DRC5: variants seen among roughly 807,000 people sequenced by gnomAD.
DRC5 encodes dynein regulatory complex subunit 5.
At chr6:44,280,108 A>C in the DRC5 span, 9 of 1,367,970 alleles carry the variant, frequency 6.6e-6, no homozygotes, top group Non-Finnish European at 9.3e-6. Context: ...AACCAGTGTG[A>C]TACTCTGCAG....
At chr6:44,288,007 G>A in the DRC5 span, 7 of 709,396 alleles carry the variant, frequency 9.9e-6, no homozygotes, top group South Asian at 4.3e-5. Context: ...AGTGCTTAAC[G>A]ATCAGTCCCT....
chr6:44,286,364 C>T, the DRC5 span: 1 of 1,614,052 alleles, frequency 6.2e-7, no homozygotes, highest in African/African-American at 1.3e-5. Flanking sequence ...TTTCCAGCTG[C>T]CGCCATGGTG....
At chr6:44,296,873 A>G in the DRC5 span, among the ~76,000 whole-genome samples, 2 of 11,634 alleles carry the variant, frequency 1.7e-4, no homozygotes, top group Non-Finnish European at 7.2e-4. Context: ...CTTTGGGGTA[A>G]GTCACTCCCA....
At chr6:44,294,728 C>T in the DRC5 span, among the ~76,000 whole-genome samples, 15,698 of 141,740 alleles carry the variant, frequency 0.11, 1,950 homozygotes, top group African/African-American at 0.31. Flanking sequence ...GCTGAGATTG[C>T]GCCACTACAC....
the DRC5 span, among the ~76,000 whole-genome samples, chr6:44,281,040 C>T: frequency 3.3e-5 from 5 of 151,862 alleles, no homozygotes; most frequent in African/African-American, 4.8e-5. Flanking sequence ...TGTGTGTGTG[C>T]GCGCATGCAC....
chr6:44,290,688 C>A, the DRC5 span, among the ~76,000 whole-genome samples: 4 of 152,328 alleles, frequency 2.6e-5, no homozygotes, highest in East Asian at 7.7e-4. Flanking sequence ...CAGATATGTC[C>A]CTGGACACCC....
the DRC5 span, among the ~76,000 whole-genome samples, chr6:44,296,761 C>T: frequency 0.022 from 3,381 of 152,330 alleles, 62 homozygotes; most frequent in Non-Finnish European, 0.035. Context: ...CCTTCTCAGC[C>T]GCTCCCACCC....
At chr6:44,282,267 T>G in the DRC5 span, 2 of 1,614,190 alleles carry the variant, frequency 1.2e-6, no homozygotes, top group African/African-American at 2.7e-5. Context: ...GGCAAGAGCC[T>G]GGCCACCCTC....
chr6:44,287,384 T>C, the DRC5 span: 125 of 553,146 alleles, frequency 2.3e-4, no homozygotes, highest in Non-Finnish European at 2.7e-4. Flanking sequence ...GAAACTGTCT[T>C]GGCCCTGGGT....
At chr6:44,294,382 G>A in the DRC5 span, among the ~76,000 whole-genome samples, 264 of 151,556 alleles carry the variant, frequency 1.7e-3, 1 homozygote, top group African/African-American at 6.0e-3. Flanking sequence ...CTACATATAA[G>A]ATATCAGGAT....
At chr6:44,284,181 C>A in the DRC5 span, among the ~76,000 whole-genome samples, 3 of 152,128 alleles carry the variant, frequency 2.0e-5, no homozygotes, top group Non-Finnish European at 4.4e-5. Flanking sequence ...CTGCTCCTGC[C>A]ACTCCACTGA....
the DRC5 span, among the ~76,000 whole-genome samples, chr6:44,289,001 A>AAAAAAAAAAG: frequency 3.2e-5 from 4 of 124,980 alleles, no homozygotes; most frequent in Non-Finnish European, 6.9e-5. Flanking sequence ...CTCAAAAAAA[A>AAAAAAAAAAG]AAAAAAAAAA....
chr6:44,292,998 A>G, the DRC5 span, among the ~76,000 whole-genome samples: 7 of 152,144 alleles, frequency 4.6e-5, no homozygotes, highest in African/African-American at 1.4e-4. Flanking sequence ...TTGGGTTTCT[A>G]CTCCTTTTGA....
At chr6:44,294,790 A>AAG in the DRC5 span, among the ~76,000 whole-genome samples, 3 of 150,076 alleles carry the variant, frequency 2.0e-5, no homozygotes, top group Admixed American at 6.6e-5. Flanking sequence ...AAAAAAAAAA[A>AAG]AAAGAAAGAA....
the DRC5 span, among the ~76,000 whole-genome samples, chr6:44,290,434 C>A: frequency 9.9e-5 from 15 of 152,168 alleles, no homozygotes; most frequent in Non-Finnish European, 2.2e-4. Flanking sequence ...GGGTCTGAGG[C>A]TGCAGAGACC....
chr6:44,297,287 G>C, the DRC5 span, among the ~76,000 whole-genome samples: 1 of 152,188 alleles, frequency 6.6e-6, no homozygotes, highest in African/African-American at 2.4e-5. Flanking sequence ...ACGGCCTTTC[G>C]GAGAAGCCTA....
the DRC5 span, chr6:44,286,098 TCAGGC>T: frequency 6.2e-7 from 1 of 1,614,100 alleles, no homozygotes; most frequent in Non-Finnish European, 8.5e-7. Context: ...TCCAGGTGGC[TCAGGC>T]CAGCTACCAG....
At chr6:44,289,459 T>C in the DRC5 span, among the ~76,000 whole-genome samples, 6 of 152,212 alleles carry the variant, frequency 3.9e-5, no homozygotes, top group East Asian at 1.9e-4. Flanking sequence ...CAAAATTTGA[T>C]GGCTCAATGG....
chr6:44,292,728 A>G, the DRC5 span, among the ~76,000 whole-genome samples: 16 of 151,580 alleles, frequency 1.1e-4, no homozygotes, highest in Admixed American at 8.6e-4. Context: ...ACAGAAGGAC[A>G]TATGTCCTTG....
Sources: allele counts gnomAD v4.1 joint callset (sites outside exome capture counted in the v4.1 genomes callset), GRCh38; gene constraint gnomAD v4.1.1; transcripts MANE v1.5; gene names NCBI Gene and HGNC (gene_info 2026-07-23, HGNC 2026-07-21).